Variants in DNAJC5G observed in about 807,000 individuals in gnomAD.
The protein encoded by DNAJC5G is DnaJ heat shock protein family (Hsp40) member C5 gamma.
A neutral mutation model predicts 19.1 loss-of-function variants in DNAJC5G; 13 were observed. The observed-to-expected ratio is 0.68, with a 90% confidence interval of 0.44 to 1.08. DNAJC5G has a LOEUF of 1.08. DNAJC5G is among the 50% of genes least tolerant of loss of function. DNAJC5G has a pLI of 0.00. For synonymous variants in DNAJC5G, 81 were observed against 84.4 expected (o/e 0.96, Z 0.22); for missense variants, 245 against 230.4 (o/e 1.06, Z -0.41).
chr2:27,275,644 G>C (rs990631364), intron 1 of DNAJC5G, 91 bp downstream of exon 1: 4 of 196,386 alleles, frequency 2.0e-5, no homozygotes, highest in African/African-American at 7.0e-5. Context: ...TGCCTTGCTC[G>C]GTTCTCCTGG....
chr2:27,277,803 A>G lies in DNAJC5G; in HGVS notation c.163A>G (p.Lys55Glu), dbSNP rs1383987652. 1.2e-6 allele frequency: 2 copies of G among 1,614,020 alleles called. No individual in the cohort carries two copies. Among genetic ancestry groups the G allele is most frequent in the Non-Finnish European group, 1.7e-6 (2 of 1,180,036 alleles). Residue 55 changes from lysine (K) to glutamate (E), a missense_variant, in exon 4 of 7, where the codon AAA (lysine) becomes GAA (glutamate). Physicochemically the swap from Lys to Glu is moderately conservative, Grantham distance 56 (BLOSUM62 1). Coordinates refer to ENST00000296097, the MANE Select transcript of DNAJC5G (RefSeq NM_173650.3). ...HPPFEYHLGR[K>E]LALRYHPDKN... ...TCCTTTTGAGTATCACCTGGGTAGGAAACTGGCCTTGCGGTATCATCCCGA... is the reference window on the plus strand; with the variant it reads ...TCCTTTTGAGTATCACCTGGGTAGGGAACTGGCCTTGCGGTATCATCCCGA...
At chr2:27,278,393 G>T in intron 5 of DNAJC5G, 61 bp downstream of exon 5, 2 of 1,597,910 alleles carry the variant, frequency 1.3e-6, no homozygotes, top group South Asian at 1.1e-5. Flanking sequence ...TGAAAGAAAT[G>T]ATTGGGGTTG....
Position 27,275,516 on chromosome 2 carries a change from T to A in DNAJC5G, c.-323T>A. ...GTGTGAAGTTTCACACCCAAAAGGA[T>A]GAAGGGCACCCACCTGGCTTAAGAG... is the stretch of plus-strand genomic sequence containing the variant. On this transcript the variant is annotated 5_prime_UTR_variant, in exon 1 of 7. The change abolishes an upstream ATG in the 5' untranslated region. Coordinates refer to ENST00000296097, the MANE Select transcript of DNAJC5G (RefSeq NM_173650.3). The A allele has an allele frequency of 3.0e-6, 1 of 328,194 alleles. No individual in the cohort carries two copies. The highest frequency in any genetic ancestry group is 6.0e-6 in the Non-Finnish European group (1 of 166,970). The allele number at this position is 328,194 out of a possible 1,614,324, so 20.3% of individuals were successfully genotyped here.
At position 27,278,314 on chromosome 2, in the gene DNAJC5G, A is replaced by C; in HGVS notation, c.502A>C (p.Ser168Arg). The C allele has an allele frequency of 6.2e-7, 1 of 1,614,160 alleles. No homozygotes were observed. The highest frequency in any genetic ancestry group is 8.5e-7 in the Non-Finnish European group (1 of 1,180,032). The change falls in exon 5 of 7, where the codon AGT becomes CGT. Residue 168 changes from serine to arginine, a missense_variant. Transcript: ENST00000296097. ...GAGAAAATATCAGCAGAATGTCCAG[A>C]GTCAGCCTCCAAGGTCAGGTGAGAA... ...SGRKYQQNVQ[S>R]QPPRSGAKCD...
chr2:27,276,151 C>G lies in DNAJC5G; in HGVS notation c.-240C>G, dbSNP rs536322240. On this transcript the variant is annotated 5_prime_UTR_variant, in exon 2 of 7. Transcript: ENST00000296097. ...GCGTGCACCTGTAATCTCAGCTACT[C>G]GGGAGGCTGAGGCAGGAAAATCGCT... is the stretch of plus-strand genomic sequence containing the variant. 4.0e-5 allele frequency: 6 copies of G among 151,882 alleles called. No homozygotes were observed. Among genetic ancestry groups the G allele is most frequent in the African/African-American group, 1.2e-4 (5 of 41,234 alleles). 9.4% of individuals were successfully genotyped at this position (151,882 alleles called of 1,614,324 possible).
Position 27,278,105 on chromosome 2 carries a change from G to A in DNAJC5G, c.376-83G>A, listed in dbSNP as rs199500100. 1.0e-3 allele frequency: 1,677 copies of A among 1,607,734 alleles called. 1 individual carries two copies. The highest frequency in any genetic ancestry group is 1.3e-3 in the Non-Finnish European group (1,518 of 1,176,050). On this transcript the variant is annotated intron_variant, in intron 4 of 6. Transcript: ENST00000296097. ...AATGCTTCTGTTGTCTCATTTTCTG[G>A]GTGCCAGGAGGATTGAGGGAGGGAA...
Position 27,278,345 on chromosome 2 carries a change from A to G in DNAJC5G, c.520+13A>G, listed in dbSNP as rs1422314830. 2.5e-6 allele frequency: 4 copies of G among 1,613,838 alleles called. No individual in the cohort carries two copies. Among genetic ancestry groups the G allele is most frequent in the Admixed American group, 3.3e-5 (2 of 59,964 alleles). ...CCTCCAAGGTCAGGTGAGAACTGCA[A>G]GCAGGGACTGTGAGGTAAGAAATGT... On this transcript the variant is annotated intron_variant, in intron 5 of 6. Transcript: ENST00000296097.
At chr2:27,277,047 T>C (rs140341221) in intron 3 of DNAJC5G, among the ~76,000 whole-genome samples, 2,911 of 150,896 alleles carry the variant, frequency 0.019, 89 homozygotes, top group African/African-American at 0.064. Flanking sequence ...GTTCAAGCAA[T>C]TCTCTCACCT....
At position 27,277,375 on chromosome 2, in the gene DNAJC5G, G is replaced by A. The variant is rs1387844470; in HGVS notation, c.114-379G>A. Among the ~76,000 whole-genome samples the A allele has an allele frequency of 4.0e-5, 6 of 151,816 alleles. No homozygotes were observed. The East Asian group carries it at 7.8e-4, about 20-fold the overall frequency. On this transcript the variant is annotated intron_variant, in intron 3 of 6. Coordinates refer to ENST00000296097, the MANE Select transcript of DNAJC5G (RefSeq NM_173650.3). ...CCTTCCGGGTTGAAGTGATTCTCCT[G>A]CCTCAGCCTCCCGAGTAGCTGGGAT...
intron 5 of DNAJC5G, 84 bp from the exon 6 acceptor site, chr2:27,280,082 G>T (rs1678300834): frequency 7.5e-7 from 1 of 1,336,060 alleles, no homozygotes; most frequent in South Asian, 1.2e-5. Context: ...ATGAGTAACT[G>T]CAAGGTAACG....
At chr2:27,276,561 T>C (rs373141439) in intron 2 of DNAJC5G, 165 bp from the exon 3 acceptor site, 6 of 580,108 alleles carry the variant, frequency 1.0e-5, no homozygotes, top group African/African-American at 3.8e-5. Context: ...ACCTGAATTC[T>C]CCTGCTAGCC....
Position 27,280,174 on chromosome 2 carries a change from T to A in DNAJC5G, c.529T>A (p.Cys177Ser). Residue 177 changes from cysteine to serine, a missense_variant, in exon 6 of 7, where the codon TGT becomes AGT. Cys to Ser is a moderately radical substitution (Grantham distance 112). Coordinates refer to ENST00000296097, the MANE Select transcript of DNAJC5G (RefSeq NM_173650.3). Reference protein sequence around the residue: ...QSQPPRSGAKCDFRSEENSED... With the variant: ...QSQPPRSGAKSDFRSEENSED... ...ATATAATTCCATCATAGGAGCCAAA[T>A]GTGATTTTAGAAGCGAGGAAAATAG... The A allele has an allele frequency of 6.2e-7, 1 of 1,613,878 alleles. No homozygotes were observed. The highest frequency in any genetic ancestry group is 8.5e-7 in the Non-Finnish European group (1 of 1,179,908).
chr2:27,280,364 T>A (rs1451590321), intron 6 of DNAJC5G, 65 bp from the exon 7 acceptor site: 16 of 791,542 alleles, frequency 2.0e-5, no homozygotes, highest in Non-Finnish European at 3.1e-5. Context: ...CATGTAGGGG[T>A]TTGCTTTAAG....
At chr2:27,278,870 TG>T (rs753356685) in intron 5 of DNAJC5G, among the ~76,000 whole-genome samples, 2 of 151,126 alleles carry the variant, frequency 1.3e-5, no homozygotes, top group Admixed American at 6.6e-5. Context: ...CCAGGTGTGG[TG>T]GCGGGCGCCT....
intron 3 of DNAJC5G, 72 bp downstream of exon 3, chr2:27,276,913 C>A: frequency 9.8e-7 from 1 of 1,023,594 alleles, no homozygotes; most frequent in African/African-American, 1.7e-5. Context: ...ATCTCTTTTG[C>A]TATCTGACTC....
chr2:27,279,812 A>G (rs1336517102), intron 5 of DNAJC5G, among the ~76,000 whole-genome samples: 1 of 151,434 alleles, frequency 6.6e-6, no homozygotes, highest in Non-Finnish European at 1.5e-5. Context: ...AGTCTCAGCT[A>G]CAGGGGAGGC....
chr2:27,278,285 G>A lies in DNAJC5G; in HGVS notation c.473G>A (p.Ser158Asn), dbSNP rs1373041136. 6.2e-7 allele frequency: 1 copy of A among 1,614,212 alleles called. No homozygotes were observed. Among genetic ancestry groups the A allele is most frequent in the Non-Finnish European group, 8.5e-7 (1 of 1,180,042 alleles). ...GALKPPPEQD[S>N]GRKYQQNVQS... is the part of the protein sequence containing the mutation. ...CTTAAACCACCACCTGAGCAGGATA[G>A]TGGGAGAAAATATCAGCAGAATGTC... is the stretch of plus-strand genomic sequence containing the variant. Residue 158 changes from serine to asparagine, a missense_variant, in exon 5 of 7, where the codon AGT becomes AAT. Coordinates refer to ENST00000296097, the MANE Select transcript of DNAJC5G (RefSeq NM_173650.3).
chr2:27,280,244 C>T lies in DNAJC5G; in HGVS notation c.*18+11C>T, dbSNP rs139857726. The T allele has an allele frequency of 6.2e-6, 10 of 1,607,424 alleles. No individual in the cohort carries two copies. The highest frequency in any genetic ancestry group is 1.1e-5 in the South Asian group (1 of 90,878). ...ATGAAGAAGGATGAGGTATGTAAAC[C>T]GAAAGGCAGCAACAGTTATCAGATA... is the stretch of plus-strand genomic sequence containing the variant. On this transcript the variant is annotated intron_variant, in intron 6 of 6. Transcript: ENST00000296097.
chr2:27,277,676 T>G lies in DNAJC5G; in HGVS notation c.114-78T>G. ...GACCTTGGATGCTTGCCTCCATCCT[T>G]TGTACCACATCTCATGCATTCCTTC... On this transcript the variant is annotated intron_variant, in intron 3 of 6. Transcript: ENST00000296097. 2.0e-5 allele frequency: 31 copies of G among 1,564,230 alleles called. No individual in the cohort carries two copies. In the South Asian group the frequency reaches 3.7e-4, roughly 18 times the overall value.
Sources: allele counts gnomAD v4.1 joint callset (sites outside exome capture counted in the v4.1 genomes callset), GRCh38; gene constraint gnomAD v4.1.1; transcripts MANE v1.5; gene names NCBI Gene and HGNC (gene_info 2026-07-23, HGNC 2026-07-21).